The following LRBA variants were observed in gnomAD, a reference collection of about 807,000 sequenced individuals.
LRBA encodes lipopolysaccharide-responsive and beige-like anchor protein.
Under a neutral mutation model 330.0 loss-of-function variants are expected in LRBA, and 176 were observed. The observed-to-expected ratio is 0.53, with a 90% CI of 0.47 to 0.60. The LOEUF (loss-of-function observed/expected upper bound fraction) is 0.60. Ranked by LOEUF, LRBA falls within the 20% of genes least tolerant of loss-of-function variation. The pLI is 0.00. For synonymous variants in LRBA, 1,230 were observed against 1,193.0 expected (o/e 1.03, Z -0.64); for missense variants, 3,259 against 3,444.8 (o/e 0.95, Z 1.35).
Position 150,828,404 on chromosome 4 carries a change from A to T in LRBA, c.4947T>A (p.Asn1649Lys), listed in dbSNP as rs200578734. Residue 1649 changes from asparagine to lysine, a missense_variant, in exon 30 of 57, where the codon AAT becomes AAA. Coordinates refer to ENST00000651943, the MANE Select transcript of LRBA (RefSeq NM_001364905.1). ...EVLSTLSLEV[N>K]KSPETKNDRG... Reference sequence around the variant, plus strand: ...TATCATTTTTGGTTTCCGGAGACTTATTGACTTCTAAAGAAAGAGTAGATA... The same window carrying T: ...TATCATTTTTGGTTTCCGGAGACTTTTTGACTTCTAAAGAAAGAGTAGATA... 8.8e-5 allele frequency: 142 copies of T among 1,613,992 alleles called. No individual in the cohort carries two copies. The highest frequency in any genetic ancestry group is 1.1e-4 in the Non-Finnish European group (132 of 1,180,008).
At chr4:150,606,207 C>A (rs1037784111) in intron 37 of LRBA, among the ~76,000 whole-genome samples, 1 of 151,996 alleles carries the variant, frequency 6.6e-6, no homozygotes, top group African/African-American at 2.4e-5. Flanking sequence ...CCATTTCTTT[C>A]TTCACTTAGA....
intron 46 of LRBA, 46 bp downstream of exon 46, chr4:150,435,543 A>G: frequency 6.4e-7 from 1 of 1,555,964 alleles, no homozygotes. Context: ...TCACTCAACA[A>G]GTAATGCACT....
chr4:151,008,998 T>A (rs375153457), intron 2 of LRBA, among the ~76,000 whole-genome samples: 6,584 of 15,596 alleles, frequency 0.42, 770 homozygotes, highest in Non-Finnish European at 0.53. Flanking sequence ...AATATATATA[T>A]ATATATATAT....
At chr4:150,395,519 A>C (rs1744608469) in intron 47 of LRBA, among the ~76,000 whole-genome samples, 1 of 152,000 alleles carries the variant, frequency 6.6e-6, no homozygotes, top group Non-Finnish European at 1.5e-5. Flanking sequence ...TCCTGTCTCC[A>C]TTCTTTCCTA....
At chr4:150,668,573 A>G (rs1781771311) in intron 37 of LRBA, among the ~76,000 whole-genome samples, 1 of 152,226 alleles carries the variant, frequency 6.6e-6, no homozygotes, top group Admixed American at 6.5e-5. Flanking sequence ...TCTATCATCT[A>G]TAGTTACCAT....
At chr4:150,963,104 A>G (rs1738348645) in intron 2 of LRBA, among the ~76,000 whole-genome samples, 1 of 148,614 alleles carries the variant, frequency 6.7e-6, no homozygotes, top group African/African-American at 2.6e-5. Flanking sequence ...TCAACTCAAT[A>G]TAAAAAGGGG....
chr4:150,490,306 C>T (rs1017480227), intron 41 of LRBA, among the ~76,000 whole-genome samples: 12 of 151,784 alleles, frequency 7.9e-5, no homozygotes, highest in Admixed American at 3.9e-4. Context: ...GTAGGTTTTA[C>T]ATATATTCCA....
At chr4:150,626,548 T>C (rs1043317493) in intron 37 of LRBA, among the ~76,000 whole-genome samples, 1 of 152,070 alleles carries the variant, frequency 6.6e-6, no homozygotes, top group South Asian at 2.1e-4. Context: ...TTATTCTTTG[T>C]GGTAACATAT....
At chr4:150,929,137 AT>A (rs1579234010) in intron 2 of LRBA, 72 bp from the exon 3 acceptor site, 6 of 919,888 alleles carry the variant, frequency 6.5e-6, no homozygotes, top group Non-Finnish European at 9.9e-6. Flanking sequence ...GTTCCTAAAC[AT>A]TAGATTAACA....
chr4:150,921,104 G>A, intron 5 of LRBA, 94 bp downstream of exon 5: 1 of 758,838 alleles, frequency 1.3e-6, no homozygotes, highest in Non-Finnish European at 2.3e-6. Context: ...TTTCTACCTA[G>A]CACAGAACCT....
chr4:150,930,327 C>A (rs1480640400), intron 2 of LRBA, among the ~76,000 whole-genome samples: 80 of 129,190 alleles, frequency 6.2e-4, no homozygotes, highest in Non-Finnish European at 9.1e-4. Flanking sequence ...AAAAAAAAAA[C>A]AAAAAAATAC....
intron 40 of LRBA, among the ~76,000 whole-genome samples, chr4:150,516,774 A>C (rs1394443706): frequency 5.3e-5 from 8 of 152,204 alleles, no homozygotes; most frequent in Non-Finnish European, 1.0e-4. Context: ...TGTTGGTAGA[A>C]GCATGAAATG....
intron 44 of LRBA, among the ~76,000 whole-genome samples, chr4:150,437,851 T>C (rs759719983): frequency 6.6e-6 from 1 of 152,244 alleles, no homozygotes; most frequent in Non-Finnish European, 1.5e-5. Flanking sequence ...TTTAGCAAAT[T>C]GCTTAGCATA....
intron 44 of LRBA, among the ~76,000 whole-genome samples, chr4:150,464,325 A>G (rs927037816): frequency 1.3e-5 from 2 of 152,078 alleles, no homozygotes; most frequent in African/African-American, 2.4e-5. Context: ...CCCAAAAATG[A>G]TATTTTTACT....
chr4:150,325,749 T>G, intron 49 of LRBA, 60 bp downstream of exon 49: 1 of 1,132,272 alleles, frequency 8.8e-7, no homozygotes, highest in South Asian at 1.2e-5. Flanking sequence ...AAGACTGTTA[T>G]GAATATCAAG....
At chr4:150,641,277 AC>A (rs1778655121) in intron 37 of LRBA, among the ~76,000 whole-genome samples, 1 of 152,170 alleles carries the variant, frequency 6.6e-6, no homozygotes, top group Non-Finnish European at 1.5e-5. Flanking sequence ...ATATTCCCTA[AC>A]AATTTTTATC....
At chr4:150,339,020 T>C (rs1467514399) in intron 48 of LRBA, among the ~76,000 whole-genome samples, 3 of 151,342 alleles carry the variant, frequency 2.0e-5, no homozygotes, top group Non-Finnish European at 2.9e-5. Flanking sequence ...AGTTCTAGAA[T>C]TCAGGAATCT....
intron 37 of LRBA, among the ~76,000 whole-genome samples, chr4:150,650,012 T>A (rs1438282106): frequency 6.6e-6 from 1 of 152,168 alleles, no homozygotes. Flanking sequence ...AACTTGAGCA[T>A]ATATGATTTT....
chr4:150,832,918 C>G (rs944619624), intron 28 of LRBA, among the ~76,000 whole-genome samples: 3 of 152,002 alleles, frequency 2.0e-5, no homozygotes, highest in Admixed American at 1.3e-4. Context: ...TACAAGAATA[C>G]ACCACCACAT....
Sources: allele counts gnomAD v4.1 joint callset (sites outside exome capture counted in the v4.1 genomes callset), GRCh38; gene constraint gnomAD v4.1.1; transcripts MANE v1.5; gene names NCBI Gene and HGNC (gene_info 2026-07-23, HGNC 2026-07-21).